BMPR1B: variants seen among roughly 807,000 people sequenced by gnomAD.
BMPR1B encodes the protein bone morphogenetic protein receptor type-1B.
BMPR1B carries 12 observed loss-of-function variants against 59.1 expected under a neutral mutation model. The ratio of observed to expected loss-of-function variants is 0.20; its 90% CI spans 0.13 to 0.33. The LOEUF (loss-of-function observed/expected upper bound fraction) is 0.33, where lower values mean the gene tolerates loss of function less well. Ranked by LOEUF, BMPR1B falls within the 10% of genes least tolerant of loss-of-function variation. The pLI is 1.00. For synonymous variants in BMPR1B, 237 were observed against 207.3 expected, an observed-to-expected ratio of 1.14 and a Z score of -1.23; for missense variants, 550 against 610.9, an observed-to-expected ratio of 0.90 and a Z score of 1.05.
chr4:95,149,408 T>A (rs983273246), intron 11 of BMPR1B, among the ~76,000 whole-genome samples: 62 of 152,294 alleles, frequency 4.1e-4, no homozygotes, highest in African/African-American at 1.4e-3. Context: ...CATAAAGCAA[T>A]TTGAAAACAT....
At chr4:95,132,120 T>G (rs1733403037) in intron 10 of BMPR1B, among the ~76,000 whole-genome samples, 1 of 152,206 alleles carries the variant, frequency 6.6e-6, no homozygotes, top group Non-Finnish European at 1.5e-5. Flanking sequence ...TTTTGCTTAC[T>G]CTTACTTTAA....
chr4:94,898,123 A>C (rs1186335805), intron 2 of BMPR1B, among the ~76,000 whole-genome samples: 1 of 150,622 alleles, frequency 6.6e-6, no homozygotes, highest in East Asian at 2.0e-4. Flanking sequence ...GTTTTTTAAA[A>C]ATTTTTTTCT....
intron 2 of BMPR1B, among the ~76,000 whole-genome samples, chr4:94,946,657 C>T (rs1729720126): frequency 6.6e-6 from 1 of 152,108 alleles, no homozygotes. Context: ...ATTAGTTCAT[C>T]CAGTCAAGCA....
At chr4:95,153,226 T>G in intron 12 of BMPR1B, among the ~76,000 whole-genome samples, 1 of 152,178 alleles carries the variant, frequency 6.6e-6, no homozygotes, top group Admixed American at 6.5e-5. Context: ...GGTGTCTTTG[T>G]TAATAAGGAT....
At chr4:94,873,039 C>T (rs906371862) in intron 1 of BMPR1B, among the ~76,000 whole-genome samples, 3 of 152,114 alleles carry the variant, frequency 2.0e-5, no homozygotes, top group Admixed American at 2.0e-4. Context: ...ATGTGCTGTA[C>T]TATATCTAGA....
At chr4:94,959,336 T>C (rs1034898235) in intron 2 of BMPR1B, among the ~76,000 whole-genome samples, 4 of 152,194 alleles carry the variant, frequency 2.6e-5, no homozygotes, top group Admixed American at 1.3e-4. Context: ...TACAGTCTTA[T>C]GAGACATGTA....
chr4:95,116,421 G>GCGCGCACACATACACACACACACACA, intron 6 of BMPR1B, among the ~76,000 whole-genome samples: 1 of 123,248 alleles, frequency 8.1e-6, no homozygotes, highest in African/African-American at 3.6e-5. Flanking sequence ...TTCAGCGCGC[G>GCGCGCACACATACACACACACACACA]CACACACACA....
chr4:95,032,205 C>T (rs1724917686), intron 3 of BMPR1B, among the ~76,000 whole-genome samples: 1 of 152,028 alleles, frequency 6.6e-6, no homozygotes, highest in African/African-American at 2.4e-5. Flanking sequence ...CTCCTGCCTC[C>T]TGGTTTGCAG....
At chr4:95,108,808 T>C (rs1367069835) in intron 4 of BMPR1B, among the ~76,000 whole-genome samples, 1 of 152,096 alleles carries the variant, frequency 6.6e-6, no homozygotes, top group Non-Finnish European at 1.5e-5. Context: ...ACCATCTGTT[T>C]TCTAAATATC....
chr4:94,886,766 C>G (rs2148985384), intron 2 of BMPR1B, among the ~76,000 whole-genome samples: 1 of 152,282 alleles, frequency 6.6e-6, no homozygotes, highest in Middle Eastern at 3.4e-3. Flanking sequence ...CTGCCCCTTT[C>G]CTGTCATGCT....
chr4:94,915,588 T>G (rs1337179801), intron 2 of BMPR1B, among the ~76,000 whole-genome samples: 1 of 152,216 alleles, frequency 6.6e-6, no homozygotes, highest in East Asian at 1.9e-4. Context: ...AAAATGTTTT[T>G]GAAATCGACA....
intron 2 of BMPR1B, among the ~76,000 whole-genome samples, chr4:94,941,431 C>CAA (rs35329546): frequency 0.011 from 1,237 of 115,710 alleles, 16 homozygotes; most frequent in African/African-American, 0.035. Flanking sequence ...AAAACTGTCT[C>CAA]AAAAAAAAAA....
At chr4:95,013,892 C>T (rs1449749931) in intron 3 of BMPR1B, among the ~76,000 whole-genome samples, 1 of 152,192 alleles carries the variant, frequency 6.6e-6, no homozygotes, top group African/African-American at 2.4e-5. Flanking sequence ...TAGCATCTAA[C>T]ATCACATGAG....
intron 1 of BMPR1B, among the ~76,000 whole-genome samples, chr4:94,835,387 GCAA>G (rs1037260982): frequency 1.3e-5 from 2 of 151,874 alleles, no homozygotes; most frequent in African/African-American, 4.8e-5. Context: ...CTGTTTTTTG[GCAA>G]CAGTGTGCAC....
chr4:95,059,146 C>T (rs1727150813), intron 3 of BMPR1B, among the ~76,000 whole-genome samples: 1 of 152,076 alleles, frequency 6.6e-6, no homozygotes, highest in African/African-American at 2.4e-5. Flanking sequence ...CTGAATTCAG[C>T]TGAAGTTATT....
intron 3 of BMPR1B, among the ~76,000 whole-genome samples, chr4:95,043,383 G>C (rs150533756): frequency 6.6e-6 from 1 of 151,928 alleles, no homozygotes; most frequent in East Asian, 1.9e-4. Flanking sequence ...GTTTTAATTA[G>C]CAAATTTACT....
At chr4:94,994,758 C>G (rs1470373225) in intron 2 of BMPR1B, among the ~76,000 whole-genome samples, 2 of 147,764 alleles carry the variant, frequency 1.4e-5, no homozygotes, top group Non-Finnish European at 3.0e-5. Flanking sequence ...GGTTATTTTT[C>G]TGGCTGTAAT....
chr4:95,018,456 T>C (rs1281057753), intron 3 of BMPR1B, among the ~76,000 whole-genome samples: 1 of 152,196 alleles, frequency 6.6e-6, no homozygotes, highest in Non-Finnish European at 1.5e-5. Flanking sequence ...AAAGTGCTAT[T>C]TAGTAGCTAG....
chr4:95,119,740 G>T (rs998690895), intron 6 of BMPR1B, among the ~76,000 whole-genome samples: 10 of 151,966 alleles, frequency 6.6e-5, no homozygotes, highest in Admixed American at 6.6e-4. Flanking sequence ...TTAATATTTT[G>T]CAACTATTAC....
Sources: gnomAD v4.1 joint callset for allele counts (sites outside exome capture counted in the v4.1 genomes callset) on GRCh38, gnomAD v4.1.1 for gene constraint, MANE v1.5 for transcripts, NCBI Gene and HGNC (gene_info 2026-07-23, HGNC 2026-07-21) for gene names.